NGF: variants seen among roughly 807,000 people sequenced by gnomAD.
The protein encoded by NGF is nerve growth factor, also known as beta-nerve growth factor.
Under a neutral mutation model 12.8 loss-of-function variants are expected in NGF, and 4 were observed. The ratio of observed to expected loss-of-function variants is 0.31; its 90% CI spans 0.15 to 0.72. The LOEUF (loss-of-function observed/expected upper bound fraction) is 0.72, where lower values mean the gene tolerates loss of function less well. Ranked by LOEUF, NGF falls within the 30% of genes least tolerant of loss-of-function variation. The pLI is 0.69. For synonymous variants in NGF, 140 were observed against 130.0 expected, an observed-to-expected ratio of 1.08 and a Z score of -0.52; for missense variants, 283 against 330.8, an observed-to-expected ratio of 0.86 and a Z score of 1.12.
At chr1:115,331,845 A>G (rs1654929947) in intron 1 of NGF, among the ~76,000 whole-genome samples, 1 of 152,236 alleles carries the variant, frequency 6.6e-6, no homozygotes. Flanking sequence ...GAGTCCCCAG[A>G]GTGCCCAGTG....
Position 115,286,187 on chromosome 1 carries a change from C to G in NGF, c.609G>C (p.Thr203=), listed in dbSNP as rs143157422. Residue 203 remains threonine (T), a synonymous_variant, in exon 3 of 3, where the codon ACG becomes ACC. Transcript: ENST00000369512. Reference sequence around the variant, plus strand: ...TCAGCGCCTTGACAAAGGTGTGAGTCGTGGTACAATATGAGTTCCAGTGCT... The same window carrying G: ...TCAGCGCCTTGACAAAGGTGTGAGTGGTGGTACAATATGAGTTCCAGTGCT... ...DSKHWNSYCT[T]THTFVKALTM... The G allele has an allele frequency of 5.0e-6, 8 of 1,613,974 alleles. No individual in the cohort carries two copies. The highest frequency in any genetic ancestry group is 6.8e-6 in the Non-Finnish European group (8 of 1,180,042).
intron 1 of NGF, among the ~76,000 whole-genome samples, chr1:115,303,616 T>C (rs1654108404): frequency 6.6e-6 from 1 of 151,984 alleles, no homozygotes; most frequent in South Asian, 2.1e-4. Flanking sequence ...CCACCAGCAT[T>C]ACCACTTCCA....
chr1:115,331,148 C>G (rs1003941099), intron 1 of NGF, among the ~76,000 whole-genome samples: 6 of 152,340 alleles, frequency 3.9e-5, no homozygotes, highest in African/African-American at 1.4e-4. Context: ...ATATTCCAGA[C>G]TCTGAGGTAA....
In NGF at chr1:115,298,414, C is replaced by A. The variant is rs373815270; in HGVS notation, c.-136-4664G>T. On this transcript the variant is annotated intron_variant, in intron 1 of 2. Transcript: ENST00000369512. ...ATTGTGGACAGACTCCGAGTAAGGA[C>A]TAACAGAGAGAGGGGATTCAGGGGA... Among the ~76,000 whole-genome samples the A allele has an allele frequency of 2.3e-4, 35 of 152,208 alleles. No homozygotes were observed. The East Asian group carries it at 6.4e-3, about 28-fold the overall frequency.
At chr1:115,300,188 G>T (rs930171549) in intron 1 of NGF, among the ~76,000 whole-genome samples, 2 of 152,138 alleles carry the variant, frequency 1.3e-5, no homozygotes, top group East Asian at 3.9e-4. Context: ...CAACACATAA[G>T]ACTATAATGC....
chr1:115,301,679 G>A (rs1654040556), intron 1 of NGF, among the ~76,000 whole-genome samples: 1 of 152,212 alleles, frequency 6.6e-6, no homozygotes, highest in Non-Finnish European at 1.5e-5. Flanking sequence ...TCAGCCTGCA[G>A]CTGTGGGGCG....
At chr1:115,325,274 G>A (rs527379712) in intron 1 of NGF, among the ~76,000 whole-genome samples, 5 of 152,262 alleles carry the variant, frequency 3.3e-5, no homozygotes, top group South Asian at 2.1e-4. Flanking sequence ...CGGGAGGAGC[G>A]ATTAAGATGC....
intron 1 of NGF, among the ~76,000 whole-genome samples, chr1:115,329,210 G>A (rs948434201): frequency 6.6e-6 from 1 of 152,088 alleles, no homozygotes; most frequent in Non-Finnish European, 1.5e-5. Flanking sequence ...CTTACTGAGG[G>A]TGTCCTTGGT....
At chr1:115,289,240 C>T (rs1010105769) in intron 2 of NGF, among the ~76,000 whole-genome samples, 18 of 152,124 alleles carry the variant, frequency 1.2e-4, no homozygotes, top group Admixed American at 5.2e-4. Context: ...TTGTTCTTCT[C>T]GGTACATAAT....
intron 1 of NGF, among the ~76,000 whole-genome samples, chr1:115,294,668 C>G (rs969826287): frequency 2.0e-5 from 3 of 152,284 alleles, no homozygotes; most frequent in East Asian, 1.9e-4. Context: ...GGACGCTCAG[C>G]GAGGAGCTCT....
At chr1:115,298,459 T>C (rs1653938254) in intron 1 of NGF, among the ~76,000 whole-genome samples, 2 of 152,162 alleles carry the variant, frequency 1.3e-5, no homozygotes, top group South Asian at 2.1e-4. Flanking sequence ...GCCAGGAAGA[T>C]CATAGCAATC....
intron 1 of NGF, among the ~76,000 whole-genome samples, chr1:115,321,251 T>C (rs949005999): frequency 2.0e-5 from 3 of 152,144 alleles, no homozygotes; most frequent in Non-Finnish European, 4.4e-5. Flanking sequence ...CACTGTTGTA[T>C]CACCAGTGGC....
In NGF at chr1:115,320,205, C is replaced by T. The variant is rs150223427; in HGVS notation, c.-137+17999G>A. ...GGTGGAATACAATAGTTGCTCTTTA[C>T]CCACAGGGGATATGTTCCAAGACCC... On this transcript the variant is annotated intron_variant, in intron 1 of 2. Coordinates refer to ENST00000369512, the MANE Select transcript of NGF (RefSeq NM_002506.3). Among the ~76,000 whole-genome samples, 405 of 152,232 alleles carry T rather than the reference C, an allele frequency of 2.7e-3. 5 individuals carry two copies. The highest frequency in any genetic ancestry group is 0.023 in the Admixed American group (357 of 15,292).
chr1:115,327,467 CT>C (rs1654808953), intron 1 of NGF, among the ~76,000 whole-genome samples: 1 of 152,156 alleles, frequency 6.6e-6, no homozygotes, highest in Non-Finnish European at 1.5e-5. Flanking sequence ...GGAGTCTGAC[CT>C]CTTCAAAACA....
intron 1 of NGF, among the ~76,000 whole-genome samples, chr1:115,313,186 A>G (rs958049057): frequency 3.3e-5 from 5 of 152,238 alleles, no homozygotes; most frequent in Non-Finnish European, 7.3e-5. Context: ...GATGTTTCAC[A>G]TAGTAGCTTT....
intron 2 of NGF, among the ~76,000 whole-genome samples, chr1:115,293,208 C>T (rs968151898): frequency 3.9e-5 from 6 of 152,118 alleles, no homozygotes; most frequent in Non-Finnish European, 8.8e-5. Flanking sequence ...GCCACACCTC[C>T]TGTGTGCAGA....
At chr1:115,313,192 G>A (rs1416005912) in intron 1 of NGF, among the ~76,000 whole-genome samples, 1 of 152,242 alleles carries the variant, frequency 6.6e-6, no homozygotes, top group East Asian at 1.9e-4. Context: ...TCACATAGTA[G>A]CTTTCATAAG....
At chr1:115,287,659 A>G (rs1653555389) in intron 2 of NGF, among the ~76,000 whole-genome samples, 2 of 152,228 alleles carry the variant, frequency 1.3e-5, no homozygotes, top group African/African-American at 4.8e-5. Context: ...CAGAAATAGA[A>G]TCCAAAGTTG....
chr1:115,307,637 A>G lies in NGF; in HGVS notation c.-136-13887T>C, dbSNP rs146422894. On this transcript the variant is annotated intron_variant, in intron 1 of 2. Coordinates refer to ENST00000369512, the MANE Select transcript of NGF (RefSeq NM_002506.3). The stretch of plus-strand genomic sequence containing the variant: ...CAACAACTCTACCAAAAGAACCCAG[A>G]TTTCACTGAACTGGCTTCTGGTAGT... 3.3e-3 allele frequency among the ~76,000 whole-genome samples: 499 copies of G among 152,368 alleles called. 2 individuals are homozygous for G. Among genetic ancestry groups the G allele is most frequent in the African/African-American group, 0.011 (469 of 41,582 alleles).
Sources: gnomAD v4.1 joint callset for allele counts (sites outside exome capture counted in the v4.1 genomes callset) on GRCh38, gnomAD v4.1.1 for gene constraint, MANE v1.5 for transcripts, NCBI Gene and HGNC (gene_info 2026-07-23, HGNC 2026-07-21) for gene names.